Variants in TEAD1 observed in about 807,000 individuals in gnomAD.
TEAD1 encodes the protein TEA domain transcription factor 1.
Under a neutral mutation model 54.9 loss-of-function variants are expected in TEAD1, and 9 were observed. That is an observed-to-expected ratio of 0.16 (90% CI 0.10 to 0.29). The LOEUF is 0.29. Among genes scored for constraint, TEAD1 ranks in the 10% least tolerant of loss-of-function variants. The pLI is 1.00. For synonymous variants in TEAD1, 200 were observed against 187.8 expected (o/e 1.07, Z -0.53); for missense variants, 387 against 535.9 (o/e 0.72, Z 2.74).
At chr11:12,678,408 T>C (rs759277941) in intron 2 of TEAD1, among the ~76,000 whole-genome samples, 9 of 152,360 alleles carry the variant, frequency 5.9e-5, no homozygotes, top group Admixed American at 1.3e-4. Flanking sequence ...CACAATCTTT[T>C]ATAGCTGCAT....
chr11:12,744,467 G>A (rs1446446120), intron 2 of TEAD1, among the ~76,000 whole-genome samples: 2 of 151,378 alleles, frequency 1.3e-5, no homozygotes, highest in Non-Finnish European at 2.9e-5. Flanking sequence ...CAGGACTCAG[G>A]AACTATTTCT....
chr11:12,922,358 G>A (rs1259560282), intron 10 of TEAD1: 2 of 113,398 alleles, frequency 1.8e-5, no homozygotes, highest in South Asian at 2.8e-4. Flanking sequence ...CACTACGCCC[G>A]GCTAATTTTT....
At chr11:12,745,423 G>A (rs1481446461) in intron 2 of TEAD1, among the ~76,000 whole-genome samples, 4 of 151,968 alleles carry the variant, frequency 2.6e-5, no homozygotes, top group South Asian at 4.2e-4. Flanking sequence ...AAATTTTCAG[G>A]ACTCACACTC....
intron 9 of TEAD1, among the ~76,000 whole-genome samples, chr11:12,888,983 C>T (rs571425666): frequency 3.3e-5 from 5 of 152,256 alleles, no homozygotes; most frequent in East Asian, 1.9e-4. Flanking sequence ...GTAAACCAGA[C>T]GGCAGCTTCC....
At chr11:12,813,726 T>A (rs368404648) in intron 3 of TEAD1, among the ~76,000 whole-genome samples, 21 of 152,288 alleles carry the variant, frequency 1.4e-4, no homozygotes, top group African/African-American at 4.8e-4. Context: ...TGGCTCACAG[T>A]GGGTACTTAG....
intron 3 of TEAD1, among the ~76,000 whole-genome samples, chr11:12,790,096 C>G (rs1590154108): frequency 6.6e-6 from 1 of 152,356 alleles, no homozygotes; most frequent in East Asian, 1.9e-4. Context: ...GGGGGAAAGG[C>G]CAGCCATACA....
At chr11:12,703,474 C>T (rs189341883) in intron 2 of TEAD1, among the ~76,000 whole-genome samples, 1 of 152,148 alleles carries the variant, frequency 6.6e-6, no homozygotes, top group Non-Finnish European at 1.5e-5. Flanking sequence ...CCCAAGCCTC[C>T]CTATATTTTC....
At chr11:12,765,710 A>G (rs1046855232) in intron 3 of TEAD1, among the ~76,000 whole-genome samples, 2 of 152,178 alleles carry the variant, frequency 1.3e-5, no homozygotes, top group African/African-American at 4.8e-5. Flanking sequence ...GGAGTCTCTC[A>G]GCCTGTCACA....
At chr11:12,755,223 A>G (rs1224065448) in intron 2 of TEAD1, among the ~76,000 whole-genome samples, 1 of 152,176 alleles carries the variant, frequency 6.6e-6, no homozygotes, top group African/African-American at 2.4e-5. Context: ...TAGGCATTCC[A>G]TCAGTCATGC....
intron 2 of TEAD1, among the ~76,000 whole-genome samples, chr11:12,742,586 A>T (rs1276768401): frequency 6.6e-6 from 1 of 152,218 alleles, no homozygotes; most frequent in Non-Finnish European, 1.5e-5. Flanking sequence ...AAATGTTCTT[A>T]TCACAAAGAA....
At chr11:12,783,513 A>G (rs1258416198) in intron 3 of TEAD1, among the ~76,000 whole-genome samples, 2 of 152,040 alleles carry the variant, frequency 1.3e-5, no homozygotes, top group Non-Finnish European at 2.9e-5. Context: ...TTTTTCAAGG[A>G]TATACCTGTG....
intron 2 of TEAD1, among the ~76,000 whole-genome samples, chr11:12,728,693 A>G (rs186490494): frequency 5.5e-4 from 83 of 152,288 alleles, no homozygotes; most frequent in African/African-American, 1.8e-3. Flanking sequence ...GAGATGTTTG[A>G]CTTGCAAGCC....
At chr11:12,782,612 G>T (rs985046443) in intron 3 of TEAD1, among the ~76,000 whole-genome samples, 2 of 152,188 alleles carry the variant, frequency 1.3e-5, no homozygotes, top group Admixed American at 6.5e-5. Flanking sequence ...CTTAAAATGG[G>T]TGAGCTGTAT....
intron 2 of TEAD1, among the ~76,000 whole-genome samples, chr11:12,738,023 C>T (rs1185026950): frequency 6.6e-6 from 1 of 152,084 alleles, no homozygotes; most frequent in Non-Finnish European, 1.5e-5. Context: ...ACCGTCGGAT[C>T]TCATGAGACA....
rs976786335 is a variant in TEAD1 at position 12,771,346 on chromosome 11, A to C, written c.202+6912A>C. 2.6e-5 allele frequency among the ~76,000 whole-genome samples: 4 copies of C among 152,312 alleles called. No homozygotes were observed. The East Asian group carries it at 5.8e-4, about 22-fold the overall frequency. On this transcript the variant is annotated intron_variant, in intron 3 of 12. Transcript: ENST00000527636. ...CCTGTGTTTGACAAAACTAGATCTG[A>C]AGGCGTGAAGACAAGTTAGATGGCT...
chr11:12,913,607 G>T (rs1948656533), intron 10 of TEAD1, among the ~76,000 whole-genome samples: 1 of 146,758 alleles, frequency 6.8e-6, no homozygotes, highest in East Asian at 1.9e-4. Context: ...TGTGGTAAAG[G>T]TTTCTTGATA....
chr11:12,704,696 A>G (rs2133843204), intron 2 of TEAD1, among the ~76,000 whole-genome samples: 1 of 152,344 alleles, frequency 6.6e-6, no homozygotes, highest in East Asian at 1.9e-4. Flanking sequence ...GAGGGCAGGA[A>G]CTGGATTTTA....
At chr11:12,840,237 ACT>A (rs1445793593) in intron 3 of TEAD1, among the ~76,000 whole-genome samples, 2 of 129,972 alleles carry the variant, frequency 1.5e-5, no homozygotes, top group Admixed American at 1.6e-4. Flanking sequence ...ACAGAGCGAG[ACT>A]CTGCCTCAAA....
At chr11:12,895,528 T>C (rs1278010210) in intron 9 of TEAD1, among the ~76,000 whole-genome samples, 1 of 152,216 alleles carries the variant, frequency 6.6e-6, no homozygotes, top group East Asian at 1.9e-4. Flanking sequence ...CCCGAGCTCC[T>C]TTAAAGCCCA....
Sources: allele counts gnomAD v4.1 joint callset (sites outside exome capture counted in the v4.1 genomes callset), GRCh38; gene constraint gnomAD v4.1.1; transcripts MANE v1.5; gene names NCBI Gene and HGNC (gene_info 2026-07-23, HGNC 2026-07-21).